FGF14: variants seen among roughly 807,000 people sequenced by gnomAD.
The protein encoded by FGF14 is fibroblast growth factor 14.
A neutral mutation model predicts 25.5 loss-of-function variants in FGF14; 5 were observed. The ratio of observed to expected loss-of-function variants is 0.20; its 90% CI spans 0.10 to 0.41. FGF14 has a LOEUF of 0.41. Ranked by LOEUF, FGF14 falls within the 10% of genes least tolerant of loss-of-function variation. FGF14 has a pLI of 1.00. For synonymous variants in FGF14, 138 were observed against 118.3 expected, an observed-to-expected ratio of 1.17 and a Z score of -1.08; for missense variants, 222 against 320.1, an observed-to-expected ratio of 0.69 and a Z score of 2.34.
At chr13:101,837,856 G>A (rs1047754672) in intron 3 of FGF14, among the ~76,000 whole-genome samples, 1 of 152,002 alleles carries the variant, frequency 6.6e-6, no homozygotes, top group African/African-American at 2.4e-5. Context: ...ATTAACATTT[G>A]AGTCAGTGGA....
chr13:102,265,398 C>T (rs1041995278), intron 1 of FGF14, among the ~76,000 whole-genome samples: 4 of 152,024 alleles, frequency 2.6e-5, no homozygotes, highest in African/African-American at 4.8e-5. Context: ...GCACTGTTGT[C>T]GATCTCCATC....
At chr13:101,772,085 A>T (rs9518531) in intron 3 of FGF14, among the ~76,000 whole-genome samples, 64,371 of 151,826 alleles carry the variant, frequency 0.42, 14,863 homozygotes, top group Non-Finnish European at 0.52. Flanking sequence ...TCAGGAGGAC[A>T]TTGGGGAGGC....
intron 1 of FGF14, among the ~76,000 whole-genome samples, chr13:102,126,872 G>T (rs1333151506): frequency 1.3e-5 from 2 of 152,110 alleles, no homozygotes; most frequent in Admixed American, 1.3e-4. Context: ...CCCATCTGGT[G>T]GTAGACGGGA....
intron 1 of FGF14, among the ~76,000 whole-genome samples, chr13:102,078,639 G>T (rs1284196061): frequency 6.6e-6 from 1 of 152,176 alleles, no homozygotes; most frequent in Non-Finnish European, 1.5e-5. Context: ...AGAGGGGTAG[G>T]ATTTGACGCT....
chr13:102,034,713 C>T (rs2041383963), intron 1 of FGF14, among the ~76,000 whole-genome samples: 2 of 152,148 alleles, frequency 1.3e-5, no homozygotes, highest in South Asian at 4.2e-4. Flanking sequence ...CTCAGCTCAC[C>T]CTCCTCACCC....
chr13:102,041,382 A>G (rs551984541), intron 1 of FGF14, among the ~76,000 whole-genome samples: 6 of 152,110 alleles, frequency 3.9e-5, no homozygotes, highest in Non-Finnish European at 8.8e-5. Context: ...CATTATGACT[A>G]TGACAGTTAC....
chr13:102,402,050 A>AG (rs1207859341), upstream of FGF14: 1 of 179,394 alleles, frequency 5.6e-6, no homozygotes, highest in Non-Finnish European at 1.1e-5. Flanking sequence ...GAGAGAAGGA[A>AG]AAAAAAAAAA....
At chr13:101,798,839 T>C (rs1011250622) in intron 3 of FGF14, among the ~76,000 whole-genome samples, 2 of 152,164 alleles carry the variant, frequency 1.3e-5, no homozygotes, top group Admixed American at 1.3e-4. Context: ...AACTTATGAC[T>C]GTGCAGGCTG....
At position 101,916,726 on chromosome 13, in the gene FGF14, C is replaced by A; in HGVS notation, c.-81G>T. 1 of 1,276,888 alleles carries A rather than the reference C, an allele frequency of 7.8e-7. No homozygotes were observed. Among genetic ancestry groups the A allele is most frequent in the Non-Finnish European group, 1.0e-6 (1 of 954,004 alleles). 79.1% of individuals were successfully genotyped at this position (1,276,888 alleles called of 1,614,324 possible). A position where few individuals can be genotyped will look rare whatever the true frequency, so the allele number is the denominator to read the frequency against. On this transcript the variant is annotated 5_prime_UTR_variant, in exon 1 of 5. Transcript: ENST00000376143. ...GGCACCGGAGGGGAAGGCGGCGGCG[C>A]AGACCGTGGCTCGCCCTCGGGGCAG...
chr13:102,031,899 T>C (rs1025167862), intron 1 of FGF14, among the ~76,000 whole-genome samples: 43 of 152,106 alleles, frequency 2.8e-4, no homozygotes, highest in African/African-American at 9.9e-4. Context: ...TTTCTTTTCA[T>C]TTGTTCATCC....
chr13:102,024,958 T>C (rs1431886403), intron 1 of FGF14, among the ~76,000 whole-genome samples: 2 of 151,148 alleles, frequency 1.3e-5, no homozygotes, highest in South Asian at 2.1e-4. Context: ...TATATATACA[T>C]ATGTAAAATG....
At chr13:102,121,049 C>T (rs1483598986) in intron 1 of FGF14, among the ~76,000 whole-genome samples, 2 of 152,178 alleles carry the variant, frequency 1.3e-5, no homozygotes, top group Non-Finnish European at 2.9e-5. Flanking sequence ...CGAGCATACA[C>T]ACTTTCCAAG....
chr13:102,235,781 A>G (rs1490571629), intron 1 of FGF14, among the ~76,000 whole-genome samples: 1 of 152,168 alleles, frequency 6.6e-6, no homozygotes, highest in Admixed American at 6.5e-5. Flanking sequence ...TCTATCTTGA[A>G]TAGGTGCTGG....
chr13:102,155,682 T>C lies in FGF14; in HGVS notation c.208+245789A>G, dbSNP rs544170385. 2.8e-3 allele frequency among the ~76,000 whole-genome samples: 420 copies of C among 151,624 alleles called. 1 individual carries two copies. The Middle Eastern group carries it at 0.031, about 11-fold the overall frequency. The stretch of plus-strand genomic sequence containing the variant: ...AAGATCAGAGCAGAACTGAAGGAGA[T>C]AGAGACAGAAAAACCCTTCAAAAAA... On this transcript the variant is annotated intron_variant, in intron 1 of 4. Coordinates refer to the FGF14 transcript ENST00000376131.
chr13:102,374,324 AAC>A lies in FGF14; in HGVS notation c.208+27145_208+27146del, dbSNP rs751193891. Among the ~76,000 whole-genome samples, 258 of 152,034 alleles carry A rather than the reference AAC, an allele frequency of 1.7e-3. 1 individual carries two copies. The highest frequency in any genetic ancestry group is 3.1e-3 in the Non-Finnish European group (208 of 67,958). ...TATACTGAGCATCTACTGTCAGCAAAACACAGTACCCACAAAAATGTGGGTAC... is the reference window on the plus strand; with the variant it reads ...TATACTGAGCATCTACTGTCAGCAAAACAGTACCCACAAAAATGTGGGTAC... On this transcript the variant is annotated intron_variant, in intron 1 of 4. Transcript: ENST00000376131.
intron 3 of FGF14, among the ~76,000 whole-genome samples, chr13:101,797,399 T>C (rs1361236552): frequency 1.3e-5 from 2 of 152,024 alleles, no homozygotes; most frequent in Non-Finnish European, 2.9e-5. Context: ...GTGCGTCCTT[T>C]ATAAAGGTGT....
chr13:102,075,895 A>C (rs2043341084), intron 1 of FGF14, among the ~76,000 whole-genome samples: 1 of 152,212 alleles, frequency 6.6e-6, no homozygotes, highest in Middle Eastern at 3.2e-3. Flanking sequence ...AAAAAGTAAA[A>C]AAAGTAAATG....
chr13:102,067,780 A>G (rs1362566927), intron 1 of FGF14, among the ~76,000 whole-genome samples: 1 of 152,062 alleles, frequency 6.6e-6, no homozygotes. Context: ...AAACCTAGAA[A>G]AAGTTATCAA....
intron 3 of FGF14, among the ~76,000 whole-genome samples, chr13:101,843,598 G>A (rs2043301239): frequency 6.6e-6 from 1 of 151,894 alleles, no homozygotes; most frequent in Non-Finnish European, 1.5e-5. Flanking sequence ...TCTAGTTATA[G>A]GAAAAAGATG....
Sources: allele counts gnomAD v4.1 joint callset (sites outside exome capture counted in the v4.1 genomes callset), GRCh38; gene constraint gnomAD v4.1.1; transcripts MANE v1.5; gene names NCBI Gene and HGNC (gene_info 2026-07-23, HGNC 2026-07-21).